The following TIAM1 variants were observed in gnomAD, a reference collection of about 807,000 sequenced individuals.
TIAM1 encodes TIAM Rac1 associated GEF 1.
In TIAM1, 65 loss-of-function variants were observed where a neutral mutation model predicts 163.5. That is an observed-to-expected ratio of 0.40 (90% CI 0.33 to 0.49). TIAM1 has a LOEUF of 0.49. Ranked by LOEUF, TIAM1 falls within the 20% of genes least tolerant of loss-of-function variation. TIAM1 has a pLI of 0.77. For missense variants in TIAM1, 1,789 were observed against 2,044.7 expected (o/e 0.87, Z 2.41); for synonymous variants, 833 against 810.1 (o/e 1.03, Z -0.48).
At chr21:31,343,497 T>C (rs78500485) in intron 1 of TIAM1, among the ~76,000 whole-genome samples, 1,898 of 152,200 alleles carry the variant, frequency 0.012, 37 homozygotes, top group African/African-American at 0.044. Flanking sequence ...TTTAAAAAAA[T>C]GATCCAGATA....
intron 16 of TIAM1, among the ~76,000 whole-genome samples, chr21:31,158,944 C>T (rs186576511): frequency 5.3e-5 from 8 of 152,228 alleles, no homozygotes; most frequent in Admixed American, 2.0e-4. Context: ...CCACACCAAG[C>T]GCTGTAGCCA....
intron 2 of TIAM1, among the ~76,000 whole-genome samples, chr21:31,289,897 TG>T (rs2073949872): frequency 6.6e-6 from 1 of 152,190 alleles, no homozygotes; most frequent in South Asian, 2.1e-4. Flanking sequence ...GTAATATCTA[TG>T]GGACCACACA....
chr21:31,295,775 T>G (rs1017548200), intron 2 of TIAM1, among the ~76,000 whole-genome samples: 1 of 152,198 alleles, frequency 6.6e-6, no homozygotes, highest in Non-Finnish European at 1.5e-5. Flanking sequence ...TTTGAGAATA[T>G]GCACATTAGG....
chr21:31,185,558 AATATAATATATT>A (rs2146454337), intron 14 of TIAM1, among the ~76,000 whole-genome samples: 1 of 125,756 alleles, frequency 8.0e-6, no homozygotes, highest in East Asian at 3.6e-4. Context: ...ATTATATATT[AATATAATATATT>A]ATATATTAAT....
intron 2 of TIAM1, among the ~76,000 whole-genome samples, chr21:31,434,050 G>A (rs1309793916): frequency 6.6e-6 from 1 of 151,846 alleles, no homozygotes; most frequent in South Asian, 2.1e-4. Flanking sequence ...CACCCACCTC[G>A]GCCTCCCAAA....
intron 2 of TIAM1, among the ~76,000 whole-genome samples, chr21:31,370,453 AC>A (rs936414700): frequency 6.6e-6 from 1 of 152,116 alleles, no homozygotes; most frequent in Admixed American, 6.6e-5. Flanking sequence ...TATACAGACA[AC>A]CCAGTATGGG....
chr21:31,331,821 G>A (rs1191727699), intron 2 of TIAM1, among the ~76,000 whole-genome samples: 1 of 152,148 alleles, frequency 6.6e-6, no homozygotes, highest in Non-Finnish European at 1.5e-5. Flanking sequence ...ATTTCAGTCT[G>A]ATTTCAAACG....
intron 13 of TIAM1, 124 bp from the exon 14 acceptor site, chr21:31,187,211 T>C (rs1251619948): frequency 1.2e-6 from 1 of 851,540 alleles, no homozygotes; most frequent in Non-Finnish European, 1.9e-6. Context: ...GACTGATTGT[T>C]TTTTCTTGTT....
intron 20 of TIAM1, among the ~76,000 whole-genome samples, 184 bp downstream of exon 20, chr21:31,146,710 CA>C (rs55662795): frequency 3.1e-4 from 41 of 131,646 alleles, no homozygotes; most frequent in Admixed American, 3.8e-4. Context: ...GACTCTGTCT[CA>C]AAAAAAAAAA....
At chr21:31,271,142 G>C (rs1294350046) in intron 3 of TIAM1, among the ~76,000 whole-genome samples, 1 of 151,932 alleles carries the variant, frequency 6.6e-6, no homozygotes, top group Non-Finnish European at 1.5e-5. Flanking sequence ...AGCTTCAGGA[G>C]GGCTGGAAGT....
intron 14 of TIAM1, among the ~76,000 whole-genome samples, chr21:31,185,544 ATATAT>A (rs1568988815): frequency 7.7e-6 from 1 of 130,064 alleles, no homozygotes; most frequent in Non-Finnish European, 1.5e-5. Flanking sequence ...TTATGCCATT[ATATAT>A]TATATATTAA....
chr21:31,169,481 G>A (rs929196395), intron 15 of TIAM1, among the ~76,000 whole-genome samples: 1 of 152,140 alleles, frequency 6.6e-6, no homozygotes. Context: ...TGACTTACTA[G>A]AGCTCCTAAA....
chr21:31,311,731 G>C (rs2074937214), intron 2 of TIAM1, among the ~76,000 whole-genome samples: 1 of 152,194 alleles, frequency 6.6e-6, no homozygotes, highest in Non-Finnish European at 1.5e-5. Context: ...TGAGAGGTGT[G>C]ATAGTTAATA....
At chr21:31,299,025 A>G (rs1231053657) in intron 2 of TIAM1, among the ~76,000 whole-genome samples, 1 of 152,182 alleles carries the variant, frequency 6.6e-6, no homozygotes, top group Non-Finnish European at 1.5e-5. Flanking sequence ...TTAGATTTGG[A>G]GTTTAATATA....
Position 31,457,528 on chromosome 21 carries a change from A to G in TIAM1, c.-369+6455T>C, listed in dbSNP as rs534135374. Reference sequence around the variant, plus strand: ...ATTCTGGTTAGGGGGGAGATATTTCATAAATGACAAATGAAAAGTAAGACA... The same window carrying G: ...ATTCTGGTTAGGGGGGAGATATTTCGTAAATGACAAATGAAAAGTAAGACA... On this transcript the variant is annotated intron_variant, in intron 2 of 28. Coordinates refer to the TIAM1 transcript ENST00000286827. Among the ~76,000 whole-genome samples, 232 of 152,350 alleles carry G rather than the reference A, an allele frequency of 1.5e-3. 1 individual carries two copies. Among genetic ancestry groups the G allele is most frequent in the Middle Eastern group, 3.4e-3 (1 of 294 alleles).
In TIAM1 at chr21:31,266,279, A is replaced by C. The variant is rs756904735; in HGVS notation, c.694T>G (p.Leu232Val). The change falls in exon 4 of 28, where the codon TTG becomes GTG. Residue 232 changes from leucine to valine, a missense_variant. Leu to Val is a conservative substitution (Grantham distance 32, BLOSUM62 1). This residue lies in a region of TIAM1 where 555 missense variants were observed against 564.9 expected (regional missense o/e 0.98). Coordinates refer to ENST00000541036, the MANE Select transcript of TIAM1 (RefSeq NM_001353694.2). Reference sequence around the variant, plus strand: ...TTTTTCTGAGCATACAAGTCACCCAAGGAATTGGCTCTCTGACAGGTGCTG... The same window carrying C: ...TTTTTCTGAGCATACAAGTCACCCACGGAATTGGCTCTCTGACAGGTGCTG... ...QLSTCQRANS[L>V]GDLYAQKNSG... The C allele has an allele frequency of 1.2e-6, 2 of 1,614,202 alleles. No homozygotes were observed. The highest frequency in any genetic ancestry group is 2.2e-5 in the South Asian group (2 of 91,088).
At chr21:31,413,838 A>T (rs1263500571) in intron 2 of TIAM1, among the ~76,000 whole-genome samples, 1 of 152,160 alleles carries the variant, frequency 6.6e-6, no homozygotes, top group Non-Finnish European at 1.5e-5. Context: ...CAGTGCTGCT[A>T]AATGAGATGA....
In TIAM1 at chr21:31,396,924, G is replaced by C. The variant is rs566322084; in HGVS notation, c.-368-57502C>G. ...AGATCGCGCCACTGCACTCCAGCCTGGGCGACAGAGTGAGACTCCGTCACA... is the reference window on the plus strand; with the variant it reads ...AGATCGCGCCACTGCACTCCAGCCTCGGCGACAGAGTGAGACTCCGTCACA... On this transcript the variant is annotated intron_variant, in intron 2 of 28. Coordinates refer to the TIAM1 transcript ENST00000286827. Among the ~76,000 whole-genome samples the C allele has an allele frequency of 6.9e-3, 1,049 of 152,148 alleles. 21 individuals are homozygous for C. The highest frequency in any genetic ancestry group is 0.024 in the African/African-American group (989 of 41,510).
rs771933738 is a variant in TIAM1, at chr21:31,252,169, G to A, written c.984C>T (p.Gly328=). The change falls in exon 5 of 28, where the codon GGC becomes GGT. Residue 328 remains glycine (G), a synonymous_variant. Transcript: ENST00000541036. The part of the protein sequence containing the change: ...KTTQDVNAGE[G]SEFADSGIEG... ...CAATCCCACTGTCTGCAAACTCACT[G>A]CCCTCGCCTGCATTAACATCCTTGG... 5 of 1,606,460 alleles carry A rather than the reference G, an allele frequency of 3.1e-6. No homozygotes were observed. The East Asian group carries it at 1.1e-4, about 36-fold the overall frequency.
Sources: gnomAD v4.1 joint callset for allele counts (sites outside exome capture counted in the v4.1 genomes callset) on GRCh38, gnomAD v4.1.1 for gene constraint, gnomAD v4.1.1 regional missense constraint, MANE v1.5 for transcripts, NCBI Gene and HGNC (gene_info 2026-07-23, HGNC 2026-07-21) for gene names.